The following SNTB2 variants were observed in gnomAD, a reference collection of about 807,000 sequenced individuals.
SNTB2 encodes beta-2-syntrophin.
In SNTB2, 34 loss-of-function variants were observed where a neutral mutation model predicts 46.2. The ratio of observed to expected loss-of-function variants is 0.74; its 90% CI spans 0.56 to 0.98. The LOEUF (loss-of-function observed/expected upper bound fraction) is 0.98. Ranked by LOEUF, SNTB2 falls within the 50% of genes least tolerant of loss-of-function variation. The pLI, the probability that SNTB2 is intolerant of heterozygous loss-of-function variation, is 0.00. For synonymous variants in SNTB2, 290 were observed against 312.6 expected (o/e 0.93, Z 0.76); for missense variants, 603 against 731.4 (o/e 0.82, Z 2.02).
At chr16:69,255,910 C>T (rs529804200) in intron 2 of SNTB2, among the ~76,000 whole-genome samples, 21 of 146,546 alleles carry the variant, frequency 1.4e-4, no homozygotes, top group African/African-American at 4.6e-4. Flanking sequence ...GGGTGGGGGG[C>T]GACGCAGTGG....
At chr16:69,235,921 G>A (rs1393232248) in intron 1 of SNTB2, 9 of 1,161,438 alleles carry the variant, frequency 7.7e-6, no homozygotes, top group African/African-American at 1.6e-5. Flanking sequence ...AGAATTACTG[G>A]TTTATCTGTG....
At chr16:69,262,381 C>T (rs557001935) in intron 3 of SNTB2, among the ~76,000 whole-genome samples, 7 of 151,808 alleles carry the variant, frequency 4.6e-5, no homozygotes, top group Non-Finnish European at 1.0e-4. Flanking sequence ...TCTTGGCTCA[C>T]TGCAAGCTCG....
rs377211175 is a variant in SNTB2, at chr16:69,285,496, A to C, written c.1345+1252A>C. Among the ~76,000 whole-genome samples the C allele has an allele frequency of 6.9e-5, 8 of 115,592 alleles. No homozygotes were observed. The South Asian group carries it at 2.2e-3, about 32-fold the overall frequency. The allele number at this position is 115,592 out of a possible 152,430, so 75.8% of individuals were successfully genotyped here. On this transcript the variant is annotated intron_variant, in intron 5 of 6. Transcript: ENST00000336278. ...ATTTATTTATTTATTTATTTATTTA[A>C]AGAGACAGGGTCTAGCTCTGTCACC...
chr16:69,269,245 A>C (rs1385262886), intron 3 of SNTB2, among the ~76,000 whole-genome samples: 1 of 151,122 alleles, frequency 6.6e-6, no homozygotes, highest in East Asian at 2.0e-4. Context: ...TGGGCCAGGC[A>C]TGGTGGCTCA....
intron 6 of SNTB2, 64 bp from the exon 7 acceptor site, chr16:69,300,768 T>G: frequency 9.2e-7 from 1 of 1,083,000 alleles, no homozygotes; most frequent in South Asian, 1.3e-5. Context: ...ATTTTGCATC[T>G]TCGTTTATTA....
intron 3 of SNTB2, among the ~76,000 whole-genome samples, chr16:69,261,758 C>T (rs1273010094): frequency 6.6e-6 from 1 of 152,120 alleles, no homozygotes; most frequent in Admixed American, 6.6e-5. Flanking sequence ...AAAGGTAGCA[C>T]GTTCACATGG....
intron 5 of SNTB2, among the ~76,000 whole-genome samples, chr16:69,298,946 G>T (rs1389460660): frequency 1.3e-5 from 2 of 152,124 alleles, no homozygotes; most frequent in African/African-American, 4.8e-5. Flanking sequence ...CACAATTGGG[G>T]ATTTCCTGTC....
rs148439560 is a variant in SNTB2, at chr16:69,286,915, C to T, written c.1345+2671C>T. ...AAAAATAATGTAAGGACTCATTTACCAAGTACTAGATACATGGACTCTCCA... is the reference window on the plus strand; with the variant it reads ...AAAAATAATGTAAGGACTCATTTACTAAGTACTAGATACATGGACTCTCCA... On this transcript the variant is annotated intron_variant, in intron 5 of 6. Coordinates refer to ENST00000336278, the MANE Select transcript of SNTB2 (RefSeq NM_006750.4). Among the ~76,000 whole-genome samples, 493 of 152,064 alleles carry T rather than the reference C, an allele frequency of 3.2e-3. 1 individual carries two copies. Among genetic ancestry groups the T allele is most frequent in the African/African-American group, 0.011 (460 of 41,480 alleles).
At chr16:69,300,485 C>G (rs1965268655) in intron 6 of SNTB2, among the ~76,000 whole-genome samples, 1 of 152,018 alleles carries the variant, frequency 6.6e-6, no homozygotes. Context: ...CTCCTGACCT[C>G]ATGATCTGCC....
chr16:69,287,638 G>T (rs1965117328), intron 5 of SNTB2, among the ~76,000 whole-genome samples: 1 of 152,116 alleles, frequency 6.6e-6, no homozygotes, highest in Non-Finnish European at 1.5e-5. Flanking sequence ...GAGGCAGGCA[G>T]ATCACTTGAG....
At chr16:69,259,278 GCT>G (rs1293684647) in intron 2 of SNTB2, among the ~76,000 whole-genome samples, 1 of 114,536 alleles carries the variant, frequency 8.7e-6, no homozygotes, top group East Asian at 2.5e-4. Flanking sequence ...ACAGAGTTTC[GCT>G]CTGTCACCTA....
At chr16:69,209,411 A>G (rs894623566) in intron 1 of SNTB2, among the ~76,000 whole-genome samples, 1 of 152,168 alleles carries the variant, frequency 6.6e-6, no homozygotes, top group East Asian at 1.9e-4. Context: ...TAAGCTTGGT[A>G]TGTTTAATTC....
At chr16:69,265,552 G>A (rs139463386) in intron 3 of SNTB2, among the ~76,000 whole-genome samples, 5 of 152,166 alleles carry the variant, frequency 3.3e-5, no homozygotes, top group African/African-American at 7.2e-5. Flanking sequence ...TTGGAGGCCC[G>A]GAGTGGTGGC....
chr16:69,268,899 G>A (rs1940251783), intron 3 of SNTB2, among the ~76,000 whole-genome samples: 1 of 151,060 alleles, frequency 6.6e-6, no homozygotes, highest in Admixed American at 6.6e-5. Context: ...GTCTAGTGCA[G>A]TGGCTCACGC....
rs116149185 is a variant in SNTB2 at position 69,278,152 on chromosome 16, A to G, written c.1149-5896A>G. Reference sequence around the variant, plus strand: ...GGCAACATAATGAGACCACATCTCTACACAAAATATAAAAATGAGCTGGGC... The same window carrying G: ...GGCAACATAATGAGACCACATCTCTGCACAAAATATAAAAATGAGCTGGGC... On this transcript the variant is annotated intron_variant, in intron 4 of 6. Transcript: ENST00000336278. Among the ~76,000 whole-genome samples, 934 of 152,270 alleles carry G rather than the reference A, an allele frequency of 6.1e-3. 6 individuals are homozygous for G. Among genetic ancestry groups the G allele is most frequent in the African/African-American group, 0.021 (855 of 41,554 alleles).
intron 3 of SNTB2, among the ~76,000 whole-genome samples, chr16:69,264,215 T>C (rs1964863950): frequency 6.6e-6 from 1 of 152,146 alleles, no homozygotes; most frequent in South Asian, 2.1e-4. Context: ...CCAAGGCCAT[T>C]GTGAGGGGCA....
intron 1 of SNTB2, chr16:69,235,827 A>C (rs1460766654): frequency 7.8e-7 from 1 of 1,289,280 alleles, no homozygotes; most frequent in Non-Finnish European, 1.0e-6. Flanking sequence ...AATATCCTGG[A>C]ATTGTGGTGA....
intron 5 of SNTB2, among the ~76,000 whole-genome samples, chr16:69,288,120 G>T (rs1965123475): frequency 6.6e-6 from 1 of 152,174 alleles, no homozygotes; most frequent in Non-Finnish European, 1.5e-5. Context: ...CCTGTGGGCA[G>T]TCGAGGGGTC....
At chr16:69,253,894 T>C (rs750598355) in intron 2 of SNTB2, among the ~76,000 whole-genome samples, 12 of 152,280 alleles carry the variant, frequency 7.9e-5, no homozygotes, top group Middle Eastern at 3.4e-3. Flanking sequence ...CTAGGAATTG[T>C]ATGATGTGTA....
Sources: gnomAD v4.1 joint callset for allele counts (sites outside exome capture counted in the v4.1 genomes callset) on GRCh38, gnomAD v4.1.1 for gene constraint, MANE v1.5 for transcripts, NCBI Gene and HGNC (gene_info 2026-07-23, HGNC 2026-07-21) for gene names.